Variants in LSAMP observed in about 807,000 individuals in gnomAD.
LSAMP encodes limbic system associated membrane protein.
A neutral mutation model predicts 38.6 loss-of-function variants in LSAMP; 7 were observed. That is an observed-to-expected ratio of 0.18 (90% CI 0.10 to 0.34). The LOEUF is 0.34. LSAMP is among the 10% of genes least tolerant of loss of function. LSAMP has a pLI of 1.00. For missense variants in LSAMP, 313 were observed against 420.0 expected, an observed-to-expected ratio of 0.75 and a Z score of 2.23; for synonymous variants, 154 against 166.8, an observed-to-expected ratio of 0.92 and a Z score of 0.59.
chr3:116,414,412 G>A (rs1446847608), intron 1 of LSAMP, among the ~76,000 whole-genome samples: 4 of 152,088 alleles, frequency 2.6e-5, no homozygotes, highest in Non-Finnish European at 4.4e-5. Flanking sequence ...CCCAGCCGGT[G>A]TCTTCCAGTT....
intron 1 of LSAMP, among the ~76,000 whole-genome samples, chr3:116,432,829 G>A (rs1256684692): frequency 6.6e-6 from 1 of 152,080 alleles, no homozygotes; most frequent in Non-Finnish European, 1.5e-5. Flanking sequence ...TCTTTAAGCA[G>A]TTGATTGTTG....
intron 1 of LSAMP, among the ~76,000 whole-genome samples, chr3:116,377,907 G>C (rs1339821598): frequency 6.6e-6 from 1 of 152,002 alleles, no homozygotes; most frequent in Non-Finnish European, 1.5e-5. Flanking sequence ...TTGGGAGCCA[G>C]AATTAGAGCC....
intron 1 of LSAMP, among the ~76,000 whole-genome samples, chr3:116,284,222 G>T (rs1424582846): frequency 2.6e-5 from 4 of 152,132 alleles, no homozygotes. Context: ...TTTCATGCCT[G>T]AAGTTGCTTA....
At chr3:116,444,808 ACAAAC>A (rs2107896285) in intron 1 of LSAMP, 64 bp downstream of exon 1, 51 of 1,282,102 alleles carry the variant, frequency 4.0e-5, no homozygotes, top group Non-Finnish European at 4.5e-5. Context: ...ACACACACAC[ACAAAC>A]ACACACACAC....
At chr3:116,417,765 T>C (rs2049070974) in intron 1 of LSAMP, among the ~76,000 whole-genome samples, 1 of 152,202 alleles carries the variant, frequency 6.6e-6, no homozygotes, top group Non-Finnish European at 1.5e-5. Context: ...CTGATTATAA[T>C]AAATAAATGA....
chr3:116,330,557 C>CA lies in LSAMP; in HGVS notation c.155+114319dup, dbSNP rs374113282. On this transcript the variant is annotated intron_variant, in intron 1 of 6. Transcript: ENST00000490035. ...TAAAGGACCAGCATGCTCCCCCCCC[C>CA]ACAACCTTTTTATTTTTCTTTTTTT... 6.6e-5 allele frequency among the ~76,000 whole-genome samples: 10 copies of CA among 151,908 alleles called. No homozygotes were observed. The East Asian group carries it at 1.5e-3, about 24-fold the overall frequency.
intron 2 of LSAMP, among the ~76,000 whole-genome samples, chr3:116,057,249 C>A (rs775290355): frequency 1.1e-4 from 16 of 152,284 alleles, no homozygotes; most frequent in Non-Finnish European, 1.2e-4. Flanking sequence ...CAAGACTGAT[C>A]AACCAGGTAT....
intron 1 of LSAMP, among the ~76,000 whole-genome samples, chr3:116,437,663 G>A (rs980787512): frequency 2.6e-5 from 4 of 151,500 alleles, no homozygotes; most frequent in Non-Finnish European, 5.9e-5. Context: ...AGGAGGAAGG[G>A]AGAGAAGGGA....
intron 3 of LSAMP, among the ~76,000 whole-genome samples, chr3:115,949,070 C>T (rs547705162): frequency 2.6e-5 from 4 of 152,226 alleles, no homozygotes; most frequent in East Asian, 3.9e-4. Flanking sequence ...GAGTTCGAGA[C>T]CAGCCTGTCC....
chr3:116,039,596 A>G (rs1941122826), intron 2 of LSAMP, among the ~76,000 whole-genome samples: 1 of 152,204 alleles, frequency 6.6e-6, no homozygotes, highest in African/African-American at 2.4e-5. Flanking sequence ...GTTGCTCCTT[A>G]GAACTTTACT....
intron 4 of LSAMP, among the ~76,000 whole-genome samples, chr3:115,844,962 G>A (rs564288763): frequency 6.6e-6 from 1 of 152,304 alleles, no homozygotes; most frequent in East Asian, 1.9e-4. Flanking sequence ...GGGCAACACA[G>A]CAAGACCCTG....
Position 116,273,423 on chromosome 3 carries a change from C to CATCA in LSAMP, c.155+171450_155+171453dup, listed in dbSNP as rs771112636. Among the ~76,000 whole-genome samples, 20 of 151,764 alleles carry CATCA rather than the reference C, an allele frequency of 1.3e-4. No homozygotes were observed. The East Asian group carries it at 2.7e-3, about 21-fold the overall frequency. On this transcript the variant is annotated intron_variant, in intron 1 of 6. Transcript: ENST00000490035. The stretch of plus-strand genomic sequence containing the variant: ...CATTTAAAGAGAGATCATAATTACA[C>CATCA]ATCAATCAATTCAAAAATTCAACCC...
At position 116,106,209 on chromosome 3, in the gene LSAMP, T is replaced by C. The variant is rs367551998; in HGVS notation, c.156-19653A>G. On this transcript the variant is annotated intron_variant, in intron 1 of 6. Coordinates refer to ENST00000490035, the MANE Select transcript of LSAMP (RefSeq NM_002338.5). ...AAGATTATTTATTTACTTCAAGAGT[T>C]TAGAGTAGCAGTTTGGGGATAGCAC... Among the ~76,000 whole-genome samples, 5 of 152,238 alleles carry C rather than the reference T, an allele frequency of 3.3e-5. No individual in the cohort carries two copies. The East Asian group carries it at 7.7e-4, about 24-fold the overall frequency.
At chr3:115,817,311 A>T (rs565773663) in intron 6 of LSAMP, among the ~76,000 whole-genome samples, 8 of 152,276 alleles carry the variant, frequency 5.3e-5, no homozygotes, top group African/African-American at 1.9e-4. Context: ...CCTGTTATGC[A>T]TATACTTTTT....
intron 3 of LSAMP, among the ~76,000 whole-genome samples, chr3:115,911,743 T>G (rs775756352): frequency 2.0e-5 from 3 of 152,248 alleles, no homozygotes; most frequent in Non-Finnish European, 4.4e-5. Context: ...GTTTAATTTT[T>G]AAAGCAAAAG....
At chr3:116,412,171 A>G (rs2048989231) in intron 1 of LSAMP, among the ~76,000 whole-genome samples, 1 of 152,082 alleles carries the variant, frequency 6.6e-6, no homozygotes, top group African/African-American at 2.4e-5. Context: ...AGGGACTTCA[A>G]TGGACACAGG....
chr3:115,881,415 T>A (rs1259324359), intron 3 of LSAMP, among the ~76,000 whole-genome samples: 1 of 152,162 alleles, frequency 6.6e-6, no homozygotes, highest in Admixed American at 6.6e-5. Context: ...CCAATTCTTT[T>A]GTGAGTATTA....
chr3:116,366,464 ATTAC>A (rs765341591), intron 1 of LSAMP, among the ~76,000 whole-genome samples: 6 of 152,158 alleles, frequency 3.9e-5, no homozygotes, highest in Non-Finnish European at 8.8e-5. Flanking sequence ...TTTGACACTG[ATTAC>A]TTTTAATGGC....
At chr3:115,968,677 A>G (rs966923226) in intron 3 of LSAMP, among the ~76,000 whole-genome samples, 1 of 152,196 alleles carries the variant, frequency 6.6e-6, no homozygotes, top group Admixed American at 6.5e-5. Context: ...GGGATGGTGC[A>G]AGAACTCCTT....
Sources: gnomAD v4.1 joint callset for allele counts (sites outside exome capture counted in the v4.1 genomes callset) on GRCh38, gnomAD v4.1.1 for gene constraint, MANE v1.5 for transcripts, NCBI Gene and HGNC (gene_info 2026-07-23, HGNC 2026-07-21) for gene names.